The following MAP6 variants were observed in gnomAD, a reference collection of about 807,000 sequenced individuals.
MAP6 encodes microtubule associated protein 6.
Under a neutral mutation model 42.4 loss-of-function variants are expected in MAP6, and 26 were observed. The observed-to-expected ratio is 0.61, with a 90% confidence interval of 0.45 to 0.85. The LOEUF is 0.85. Among genes scored for constraint, MAP6 ranks in the 40% least tolerant of loss-of-function variants. The probability of loss-of-function intolerance (pLI) is 0.00; values close to 1 mark genes in which losing one functional copy is unlikely to be tolerated. For missense variants in MAP6, 966 were observed against 1,099.0 expected (o/e 0.88, Z 1.71); for synonymous variants, 418 against 443.8 (o/e 0.94, Z 0.73).
At chr11:75,620,482 A>AG (rs1334168341) in intron 1 of MAP6, among the ~76,000 whole-genome samples, 2 of 142,558 alleles carry the variant, frequency 1.4e-5, no homozygotes, top group African/African-American at 2.7e-5. Context: ...CTCAAAAGAG[A>AG]GAAAAAAAAA....
intron 1 of MAP6, among the ~76,000 whole-genome samples, chr11:75,646,313 G>A (rs1943552078): frequency 6.6e-6 from 1 of 151,988 alleles, no homozygotes; most frequent in African/African-American, 2.4e-5. Context: ...AGGAGAGTGA[G>A]ATAAAGATCC....
intron 1 of MAP6, among the ~76,000 whole-genome samples, chr11:75,617,253 A>G (rs1943011731): frequency 6.6e-6 from 1 of 152,174 alleles, no homozygotes; most frequent in South Asian, 2.1e-4. Context: ...ACCGTGGCTC[A>G]AGCCTATGAT....
In MAP6 at chr11:75,586,961, G is replaced by T; in HGVS notation, c.*98C>A. ...TTTATTAGATTCCAGCAAGACTACT[G>T]TACATGTTTCATGCAGATTAAATAT... On this transcript the variant is annotated 3_prime_UTR_variant, in exon 4 of 4. Transcript: ENST00000304771. 7.8e-7 allele frequency: 1 copy of T among 1,275,584 alleles called. No homozygotes were observed. The highest frequency in any genetic ancestry group is 1.5e-5 in the South Asian group (1 of 66,798). 79.0% of individuals were successfully genotyped at this position (1,275,584 alleles called of 1,614,324 possible).
intron 1 of MAP6, among the ~76,000 whole-genome samples, chr11:75,666,637 G>A (rs1943952976): frequency 6.6e-6 from 1 of 152,206 alleles, no homozygotes; most frequent in South Asian, 2.1e-4. Flanking sequence ...GGCACGAGCT[G>A]TTCTCCTGAT....
At position 75,587,530 on chromosome 11, in the gene MAP6, G is replaced by A. The variant is rs912392591; in HGVS notation, c.1971C>T (p.Pro657=). 1 of 1,613,948 alleles carries A rather than the reference G, an allele frequency of 6.2e-7. No homozygotes were observed. The highest frequency in any genetic ancestry group is 1.3e-5 in the African/African-American group (1 of 74,886). The change falls in exon 4 of 4, where the codon CCC becomes CCT. Residue 657 remains proline (P), a synonymous_variant. Coordinates refer to ENST00000304771, the MANE Select transcript of MAP6 (RefSeq NM_033063.2). ...PKDESAMATA[P]IKNQGSMVSE... ...AGACCATGGAACCTTGATTCTTTATGGGTGCTGTGGCCATGGCACTTTCAT... is the reference window on the plus strand; with the variant it reads ...AGACCATGGAACCTTGATTCTTTATAGGTGCTGTGGCCATGGCACTTTCAT...
intron 3 of MAP6, chr11:75,602,897 A>G: frequency 1.0e-6 from 1 of 985,564 alleles, no homozygotes; most frequent in Non-Finnish European, 1.2e-6. Flanking sequence ...AATTGGAAAA[A>G]CTGTTTGTTT....
In MAP6 at chr11:75,639,995, T is replaced by C. The variant is rs749852384; in HGVS notation, c.905+27470A>G. On this transcript the variant is annotated intron_variant, in intron 1 of 3. Transcript: ENST00000304771. ...GTCTGTCACTTTCAGTTCCACTTAA[T>C]TTCCACTCTCCCCTCTGGCTGGCGG... is the stretch of plus-strand genomic sequence containing the variant. 7.9e-4 allele frequency among the ~76,000 whole-genome samples: 121 copies of C among 152,224 alleles called. 1 individual carries two copies. Among genetic ancestry groups the C allele is most frequent in the Non-Finnish European group, 1.3e-3 (86 of 68,000 alleles).
At chr11:75,630,726 T>A (rs1050403162) in intron 1 of MAP6, among the ~76,000 whole-genome samples, 7 of 152,226 alleles carry the variant, frequency 4.6e-5, no homozygotes, top group Non-Finnish European at 8.8e-5. Context: ...TGTATCTCCC[T>A]AAACTCATTA....
chr11:75,640,855 G>A (rs1943455353), intron 1 of MAP6, among the ~76,000 whole-genome samples: 1 of 152,140 alleles, frequency 6.6e-6, no homozygotes, highest in Non-Finnish European at 1.5e-5. Flanking sequence ...AGAGGATGTG[G>A]AGAAATAGGA....
chr11:75,665,124 T>C (rs1943925061), intron 1 of MAP6, among the ~76,000 whole-genome samples: 1 of 152,208 alleles, frequency 6.6e-6, no homozygotes, highest in African/African-American at 2.4e-5. Flanking sequence ...GTTAATAGAA[T>C]TGATAGGTGC....
chr11:75,668,408 G>A lies in MAP6; in HGVS notation c.-39C>T. 1 of 1,558,582 alleles carries A rather than the reference G, an allele frequency of 6.4e-7. No individual in the cohort carries two copies. Among genetic ancestry groups the A allele is most frequent in the African/African-American group, 1.4e-5 (1 of 71,816 alleles). ...AAGCCGGCCTCCTCTTTCTTCTTGT[G>A]GTTCTAAAGCAAGTCTCTATAATCT... is the stretch of plus-strand genomic sequence containing the variant. On this transcript the variant is annotated 5_prime_UTR_variant, in exon 1 of 4. Transcript: ENST00000304771.
intron 1 of MAP6, among the ~76,000 whole-genome samples, chr11:75,640,958 A>C (rs1324546177): frequency 6.6e-6 from 1 of 152,160 alleles, no homozygotes; most frequent in African/African-American, 2.4e-5. Context: ...TAGAAATACC[A>C]TTTGACCCAG....
chr11:75,589,552 G>T lies in MAP6; in HGVS notation c.1317-1368C>A, dbSNP rs76253678. The stretch of plus-strand genomic sequence containing the variant: ...TTCTTACCCTTACTTGTCTGATGAA[G>T]AAAATGAGGTCATGAGAGGACAAGT... On this transcript the variant is annotated intron_variant, in intron 3 of 3. Transcript: ENST00000304771. 3.6e-3 allele frequency among the ~76,000 whole-genome samples: 544 copies of T among 152,332 alleles called. 2 individuals carry two copies. The highest frequency in any genetic ancestry group is 0.012 in the African/African-American group (517 of 41,556).
chr11:75,620,864 C>T (rs1943095601), intron 1 of MAP6, among the ~76,000 whole-genome samples: 2 of 152,218 alleles, frequency 1.3e-5, no homozygotes, highest in South Asian at 4.1e-4. Flanking sequence ...GGCACGGTGG[C>T]TCACGCCTGT....
At chr11:75,614,046 G>GTC (rs924556992) in intron 1 of MAP6, among the ~76,000 whole-genome samples, 2 of 152,166 alleles carry the variant, frequency 1.3e-5, no homozygotes, top group African/African-American at 2.4e-5. Context: ...CTCCTTTCTG[G>GTC]TCTCTCTGTT....
intron 3 of MAP6, among the ~76,000 whole-genome samples, 165 bp from the exon 4 acceptor site, chr11:75,588,349 CG>C (rs1252883489): frequency 1.4e-5 from 1 of 70,438 alleles, no homozygotes; most frequent in East Asian, 3.8e-4. Flanking sequence ...AGAATGTGGG[CG>C]GGGGTGAGGG....
intron 1 of MAP6, among the ~76,000 whole-genome samples, chr11:75,656,003 A>G (rs141101554): frequency 6.6e-6 from 1 of 152,236 alleles, no homozygotes; most frequent in East Asian, 1.9e-4. Context: ...CAGAGTAAAC[A>G]CTCAGCAGAT....
In MAP6 at chr11:75,667,479, C is replaced by A; in HGVS notation, c.891G>T (p.Val297=). 1 of 1,509,210 alleles carries A rather than the reference C, an allele frequency of 6.6e-7. No homozygotes were observed. Among genetic ancestry groups the A allele is most frequent in the South Asian group, 1.2e-5 (1 of 81,828 alleles). 93.5% of individuals were successfully genotyped at this position (1,509,210 alleles called of 1,614,324 possible). A position where few individuals can be genotyped will look rare whatever the true frequency, so the allele number is the denominator to read the frequency against. The part of the protein sequence containing the change: ...RQIREEVASA[V]SSSYRNEFRA... ...CCGCGTCTCACCTGTAGGAGCTGCT[C>A]ACTGCACTCGCCACCTCCTCGCGGA... The change falls in exon 1 of 4, where the codon GTG becomes GTT. Residue 297 remains valine (V), a synonymous_variant. Transcript: ENST00000304771. This position sits in a 1 kb window ranked among gnomAD's most constrained non-coding sequence, Gnocchi z 5.6.
At chr11:75,611,272 C>T (rs1415993000) in intron 1 of MAP6, among the ~76,000 whole-genome samples, 4 of 152,244 alleles carry the variant, frequency 2.6e-5, no homozygotes, top group Admixed American at 2.0e-4. Context: ...GATTCTCTGT[C>T]GCACCCCTGC....
Sources: allele counts gnomAD v4.1 joint callset (sites outside exome capture counted in the v4.1 genomes callset), GRCh38; gene constraint gnomAD v4.1.1; non-coding constraint Gnocchi (gnomAD v3.1); transcripts MANE v1.5; gene names NCBI Gene and HGNC (gene_info 2026-07-23, HGNC 2026-07-21).